RAB38: variants seen among roughly 807,000 people sequenced by gnomAD.
RAB38 encodes the protein ras-related protein Rab-38.
In RAB38, 15 loss-of-function variants were observed where a neutral mutation model predicts 18.4. The ratio of observed to expected loss-of-function variants is 0.82; its 90% CI spans 0.55 to 1.26. The LOEUF (loss-of-function observed/expected upper bound fraction) is 1.26, where lower values mean the gene tolerates loss of function less well. RAB38 is among the 50% of genes most tolerant of loss of function. The probability of loss-of-function intolerance (pLI) is 0.00; values close to 1 mark genes in which losing one functional copy is unlikely to be tolerated. For missense variants in RAB38, 294 were observed against 267.4 expected, an observed-to-expected ratio of 1.10 and a Z score of -0.69; for synonymous variants, 101 against 104.4, an observed-to-expected ratio of 0.97 and a Z score of 0.20.
chr11:88,008,401 G>T, the RAB38 span, among the ~76,000 whole-genome samples: 2 of 152,024 alleles, frequency 1.3e-5, no homozygotes, highest in African/African-American at 2.4e-5. Context: ...CAGAAGAAGA[G>T]CATTAGAACA....
the RAB38 span, among the ~76,000 whole-genome samples, chr11:88,104,436 T>G: frequency 6.6e-6 from 1 of 152,098 alleles, no homozygotes; most frequent in Non-Finnish European, 1.5e-5. Context: ...CAGATTGAAA[T>G]GTGTCATTTG....
chr11:87,890,196 C>T, the RAB38 span, among the ~76,000 whole-genome samples: 230 of 151,676 alleles, frequency 1.5e-3, no homozygotes, highest in African/African-American at 5.1e-3. Context: ...AATTTTAAGG[C>T]GGGAAAACAA....
chr11:87,953,454 C>T, the RAB38 span, among the ~76,000 whole-genome samples: 1 of 152,200 alleles, frequency 6.6e-6, no homozygotes, highest in East Asian at 1.9e-4. Flanking sequence ...GTTTTAGCTA[C>T]TTATATTTAA....
At chr11:87,911,111 T>G in the RAB38 span, among the ~76,000 whole-genome samples, 1 of 152,070 alleles carries the variant, frequency 6.6e-6, no homozygotes, top group Non-Finnish European at 1.5e-5. Context: ...TATAAATTTG[T>G]ATTCTATTCC....
the RAB38 span, among the ~76,000 whole-genome samples, chr11:87,946,567 T>A: frequency 7.1e-5 from 10 of 141,030 alleles, no homozygotes; most frequent in East Asian, 2.4e-4. Context: ...CAGTCCCCGG[T>A]GTGTGATGTT....
the RAB38 span, among the ~76,000 whole-genome samples, chr11:87,820,707 C>A: frequency 6.6e-6 from 1 of 152,042 alleles, no homozygotes; most frequent in Admixed American, 6.6e-5. Flanking sequence ...TAAAGAACAG[C>A]AAACAAAATT....
At chr11:88,122,878 G>T (rs1285550319) in intron 2 of RAB38, among the ~76,000 whole-genome samples, 1 of 152,204 alleles carries the variant, frequency 6.6e-6, no homozygotes, top group Non-Finnish European at 1.5e-5. Context: ...AATACAGTAG[G>T]ATAAAATGGA....
chr11:87,965,849 T>C, the RAB38 span, among the ~76,000 whole-genome samples: 2 of 152,164 alleles, frequency 1.3e-5, no homozygotes, highest in Non-Finnish European at 2.9e-5. Context: ...TTGTGCATTA[T>C]GGGTTAAGAC....
At chr11:87,896,470 C>G in the RAB38 span, among the ~76,000 whole-genome samples, 5 of 151,654 alleles carry the variant, frequency 3.3e-5, no homozygotes, top group African/African-American at 4.8e-5. Flanking sequence ...CACATCACAA[C>G]AAATACATTG....
At chr11:88,004,151 T>G in the RAB38 span, among the ~76,000 whole-genome samples, 1 of 148,956 alleles carries the variant, frequency 6.7e-6, no homozygotes, top group African/African-American at 2.5e-5. Flanking sequence ...AAATATTACT[T>G]ATAGAACAAT....
At chr11:88,007,569 A>G in the RAB38 span, among the ~76,000 whole-genome samples, 1 of 152,064 alleles carries the variant, frequency 6.6e-6, no homozygotes, top group Non-Finnish European at 1.5e-5. Flanking sequence ...ATAACTAGAA[A>G]TGCTAAAAAT....
the RAB38 span, among the ~76,000 whole-genome samples, chr11:87,931,265 G>T: frequency 6.6e-6 from 1 of 152,072 alleles, no homozygotes; most frequent in Non-Finnish European, 1.5e-5. Flanking sequence ...AATACTAAAA[G>T]ATAAGCTATT....
chr11:88,088,215 G>C, the RAB38 span, among the ~76,000 whole-genome samples: 1 of 152,094 alleles, frequency 6.6e-6, no homozygotes, highest in South Asian at 2.1e-4. Flanking sequence ...CAATTAGGCA[G>C]AAGAGAAGAA....
chr11:87,896,317 T>C, the RAB38 span, among the ~76,000 whole-genome samples: 1 of 151,698 alleles, frequency 6.6e-6, no homozygotes, highest in Non-Finnish European at 1.5e-5. Flanking sequence ...TCTCCCACAT[T>C]CTAGACAACA....
the RAB38 span, among the ~76,000 whole-genome samples, chr11:88,030,672 A>C: frequency 6.6e-6 from 1 of 152,232 alleles, no homozygotes; most frequent in African/African-American, 2.4e-5. Context: ...CCCAAGTCTA[A>C]ACCAGGAAGA....
At chr11:87,817,864 G>C in the RAB38 span, among the ~76,000 whole-genome samples, 1 of 152,096 alleles carries the variant, frequency 6.6e-6, no homozygotes. Flanking sequence ...GAGGCAAAAA[G>C]ATGAACTATT....
chr11:88,103,543 T>C, the RAB38 span, among the ~76,000 whole-genome samples: 3 of 152,212 alleles, frequency 2.0e-5, no homozygotes, highest in Non-Finnish European at 2.9e-5. Context: ...TTTCTATTTA[T>C]AGAACAGTAG....
At chr11:88,150,427 G>C (rs7105256) in intron 1 of RAB38, among the ~76,000 whole-genome samples, 185 of 152,188 alleles carry the variant, frequency 1.2e-3, no homozygotes, top group African/African-American at 4.3e-3. Flanking sequence ...AAATATTTGG[G>C]ATACTCTGAT....
At chr11:88,044,123 T>A in the RAB38 span, among the ~76,000 whole-genome samples, 1 of 152,226 alleles carries the variant, frequency 6.6e-6, no homozygotes, top group Non-Finnish European at 1.5e-5. Context: ...AAAACTCTGG[T>A]GCCGGTCACG....
Sources: allele counts gnomAD v4.1 joint callset (sites outside exome capture counted in the v4.1 genomes callset), GRCh38; gene constraint gnomAD v4.1.1; transcripts MANE v1.5; gene names NCBI Gene and HGNC (gene_info 2026-07-23, HGNC 2026-07-21).